ALLC: variants seen among roughly 807,000 people sequenced by gnomAD.
The protein encoded by ALLC is probable inactive allantoicase.
A neutral mutation model predicts 45.0 loss-of-function variants in ALLC; 40 were observed. The ratio of observed to expected loss-of-function variants is 0.89; its 90% CI spans 0.69 to 1.16. ALLC has a LOEUF of 1.16. ALLC is among the 50% of genes most tolerant of loss of function. ALLC has a pLI of 0.00. For missense variants in ALLC, 488 were observed against 493.1 expected (o/e 0.99, Z 0.10); for synonymous variants, 176 against 178.1 (o/e 0.99, Z 0.09).
chr2:3,676,020 A>G (rs114837828), intron 3 of ALLC, among the ~76,000 whole-genome samples: 3,507 of 152,290 alleles, frequency 0.023, 137 homozygotes, highest in African/African-American at 0.08. Context: ...GCCTCCTCCC[A>G]CATGGGCACT....
At chr2:3,666,128 A>C (rs1348976569) in intron 1 of ALLC, among the ~76,000 whole-genome samples, 3 of 152,156 alleles carry the variant, frequency 2.0e-5, no homozygotes, top group Admixed American at 1.3e-4. Flanking sequence ...AAGCCGATCA[A>C]TACAGATGGA....
At position 3,682,965 on chromosome 2, in the gene ALLC, C is replaced by T. The variant is rs1240352675; in HGVS notation, c.402C>T (p.Tyr134=). 4 of 1,613,496 alleles carry T rather than the reference C, an allele frequency of 2.5e-6. No homozygotes were observed. The highest frequency in any genetic ancestry group is 3.4e-6 in the Non-Finnish European group (4 of 1,179,714). ...IAELKSDDWS[Y]LVPMTELKPG... ...AGCTAAAATCCGACGACTGGAGTTA[C>T]TTGGTTCCCATGACTGAGCTTAAGC... The change falls in exon 7 of 12, where the codon TAC becomes TAT. Residue 134 remains tyrosine (Y), a synonymous_variant. Transcript: ENST00000252505.
intron 6 of ALLC, among the ~76,000 whole-genome samples, chr2:3,682,343 G>T (rs1468560221): frequency 6.6e-6 from 1 of 152,188 alleles, no homozygotes; most frequent in Non-Finnish European, 1.5e-5. Context: ...ACCTCAAGGT[G>T]AAGACATTTG....
chr2:3,664,329 G>A (rs6738533), intron 1 of ALLC, among the ~76,000 whole-genome samples: 6 of 152,140 alleles, frequency 3.9e-5, no homozygotes, highest in South Asian at 2.1e-4. Context: ...TTTGTTTTGC[G>A]TTTATCTCAA....
chr2:3,655,176 A>T (rs1666413594), upstream of ALLC, among the ~76,000 whole-genome samples: 1 of 152,204 alleles, frequency 6.6e-6, no homozygotes, highest in Admixed American at 6.5e-5. Flanking sequence ...GCAATAAAGG[A>T]GAAAAGGCAG....
the ALLC span, among the ~76,000 whole-genome samples, chr2:3,651,312 GTGGGGGGGGTGTGTGT>G: frequency 1.9e-4 from 1 of 5,308 alleles, no homozygotes; most frequent in African/African-American, 7.9e-4. Context: ...GGGTGGGTGG[GTGGGGGGGGTGTGTGT>G]GTGTGTGTGT....
intron 1 of ALLC, among the ~76,000 whole-genome samples, chr2:3,665,133 C>T (rs879570230): frequency 2.6e-5 from 4 of 152,064 alleles, no homozygotes; most frequent in Non-Finnish European, 4.4e-5. Context: ...CCTGTCGCAG[C>T]GAGACGGATC....
intron 2 of ALLC, among the ~76,000 whole-genome samples, chr2:3,672,726 G>A (rs1432507367): frequency 6.6e-6 from 1 of 151,184 alleles, no homozygotes; most frequent in African/African-American, 2.4e-5. Flanking sequence ...TAGATCGGAA[G>A]TCCTCTGGCT....
intron 7 of ALLC, 136 bp downstream of exon 7, chr2:3,683,210 T>C: frequency 9.7e-7 from 1 of 1,028,606 alleles, no homozygotes; most frequent in Non-Finnish European, 1.4e-6. Context: ...TAATTTCTCC[T>C]TTTTATGCTC....
At position 3,697,435 on chromosome 2, in the gene ALLC, A is replaced by G; in HGVS notation, c.829A>G (p.Ile277Val). 6.2e-7 allele frequency: 1 copy of G among 1,613,822 alleles called. No individual in the cohort carries two copies. Among genetic ancestry groups the G allele is most frequent in the Non-Finnish European group, 8.5e-7 (1 of 1,179,780 alleles). The change falls in exon 10 of 12, where the codon ATT (isoleucine) becomes GTT (valine). Residue 277 changes from isoleucine to valine, a missense_variant. Transcript: ENST00000252505. ...AHPGVITRIE[I>V]DTKYFEGNAP... ...TCCTGGAGTAATAACTCGAATTGAA[A>G]TTGACACAAAATATTTTGAAGGTAA... is the stretch of plus-strand genomic sequence containing the variant.
At chr2:3,657,359 A>G (rs149006750), upstream of ALLC, among the ~76,000 whole-genome samples, 889 of 152,358 alleles carry the variant, frequency 5.8e-3, 7 homozygotes, top group Non-Finnish European at 1.0e-2. Context: ...AAGAAAACCC[A>G]GGAAGGAAAA....
chr2:3,658,876 CAAAAAAA>C (rs566003324), intron 1 of ALLC, among the ~76,000 whole-genome samples: 4 of 69,118 alleles, frequency 5.8e-5, no homozygotes, highest in African/African-American at 1.9e-4. Context: ...GACCCTGTCT[CAAAAAAA>C]AAAAAAAAAA....
At chr2:3,671,264 A>G in intron 2 of ALLC, 74 bp downstream of exon 2, 1 of 1,518,666 alleles carries the variant, frequency 6.6e-7, no homozygotes. Context: ...AGTGCAGAGA[A>G]CCTCATGCAA....
chr2:3,654,072 A>G (rs1395207284), upstream of ALLC, among the ~76,000 whole-genome samples: 1 of 152,202 alleles, frequency 6.6e-6, no homozygotes, highest in Non-Finnish European at 1.5e-5. Flanking sequence ...TGAAGGCTTG[A>G]CTGGGCCAGA....
chr2:3,658,190 GC>G (rs1250128709), upstream of ALLC: 2 of 152,378 alleles, frequency 1.3e-5, no homozygotes, highest in East Asian at 3.9e-4. Flanking sequence ...TCTACCTCAG[GC>G]CCCTATACAT....
chr2:3,675,972 C>T (rs1315202002), intron 3 of ALLC, among the ~76,000 whole-genome samples: 2 of 152,236 alleles, frequency 1.3e-5, no homozygotes, highest in African/African-American at 4.8e-5. Flanking sequence ...CTGATTCCCT[C>T]AGGTGACAGA....
At chr2:3,650,449 A>G in the ALLC span, among the ~76,000 whole-genome samples, 3 of 152,262 alleles carry the variant, frequency 2.0e-5, no homozygotes, top group South Asian at 6.2e-4. Context: ...ACTGAGTGAG[A>G]GAAACAGCGC....
chr2:3,681,889 G>A (rs1305734152), intron 6 of ALLC, among the ~76,000 whole-genome samples, 176 bp downstream of exon 6: 1 of 152,194 alleles, frequency 6.6e-6, no homozygotes, highest in African/African-American at 2.4e-5. Context: ...ATCAACCTGG[G>A]AAGAGTGAGC....
upstream of ALLC, among the ~76,000 whole-genome samples, chr2:3,654,692 G>A (rs980676172): frequency 5.9e-5 from 9 of 152,250 alleles, no homozygotes; most frequent in Non-Finnish European, 1.2e-4. Flanking sequence ...GAACCCTCAG[G>A]TGTGCAGGAA....
Sources: gnomAD v4.1 joint callset for allele counts (sites outside exome capture counted in the v4.1 genomes callset) on GRCh38, gnomAD v4.1.1 for gene constraint, MANE v1.5 for transcripts, NCBI Gene and HGNC (gene_info 2026-07-23, HGNC 2026-07-21) for gene names.